Variants in TBX15 observed in about 807,000 individuals in gnomAD.
TBX15 encodes the protein T-box transcription factor 15.
In TBX15, 18 loss-of-function variants were observed where a neutral mutation model predicts 53.9. The observed-to-expected ratio is 0.33, with a 90% CI of 0.23 to 0.49. The LOEUF (loss-of-function observed/expected upper bound fraction) is 0.49. TBX15 is among the 20% of genes least tolerant of loss of function. The pLI is 0.98. For missense variants in TBX15, 692 were observed against 749.5 expected (o/e 0.92, Z 0.90); for synonymous variants, 295 against 278.0 (o/e 1.06, Z -0.61).
At chr1:118,955,290 C>T (rs1007736032) in intron 1 of TBX15, among the ~76,000 whole-genome samples, 5 of 152,136 alleles carry the variant, frequency 3.3e-5, no homozygotes, top group Admixed American at 3.3e-4. Context: ...TCTGGAACTG[C>T]TATAGTGATT....
Position 118,924,817 on chromosome 1 carries a change from T to C in TBX15, c.522A>G (p.Arg174=), listed in dbSNP as rs61730014. The C allele has an allele frequency of 3.5e-3, 5,683 of 1,613,738 alleles. 16 individuals are homozygous for C. The highest frequency in any genetic ancestry group is 3.8e-3 in the Non-Finnish European group (4,458 of 1,179,908). Residue 174 remains arginine (R), a splice_region_variant and synonymous_variant, in exon 4 of 8, where the codon AGA becomes AGG. Coordinates refer to ENST00000369429, the MANE Select transcript of TBX15 (RefSeq NM_001330677.2). ...DIVPVDNKRY[R]YVYHSSKWMV... is the part of the protein sequence containing the mutation. ...TCCACTTGGAGCTATGATACACATATCTGAGATAAAGAGGAAGAGAGGAAA... is the reference window on the plus strand; with the variant it reads ...TCCACTTGGAGCTATGATACACATACCTGAGATAAAGAGGAAGAGAGGAAA...
chr1:118,916,786 A>C (rs553762874), intron 5 of TBX15, among the ~76,000 whole-genome samples: 1 of 152,046 alleles, frequency 6.6e-6, no homozygotes, highest in Non-Finnish European at 1.5e-5. Context: ...GAATTGCTTG[A>C]ACCCAGGAAG....
chr1:118,884,428 C>A lies in TBX15; in HGVS notation c.*304G>T, dbSNP rs992472913. On this transcript the variant is annotated 3_prime_UTR_variant, in exon 8 of 8. Coordinates refer to ENST00000369429, the MANE Select transcript of TBX15 (RefSeq NM_001330677.2). ...TGCCACACACTAGCATCTCCCTTAA[C>A]ATTATGACGAAGTGATTATTCAGTC... 9 of 432,960 alleles carry A rather than the reference C, an allele frequency of 2.1e-5. No homozygotes were observed. Among genetic ancestry groups the A allele is most frequent in the Non-Finnish European group, 3.4e-5 (8 of 235,630 alleles). 26.8% of individuals were successfully genotyped at this position (432,960 alleles called of 1,614,324 possible).
intron 1 of TBX15, among the ~76,000 whole-genome samples, chr1:118,967,816 A>T (rs1302235192): frequency 2.6e-5 from 4 of 152,224 alleles, no homozygotes; most frequent in Admixed American, 6.5e-5. Flanking sequence ...TGTCAGTGTT[A>T]AAACCCTGAA....
chr1:118,935,019 A>G (rs1337784889), intron 1 of TBX15, among the ~76,000 whole-genome samples: 1 of 152,208 alleles, frequency 6.6e-6, no homozygotes, highest in Non-Finnish European at 1.5e-5. Flanking sequence ...ATAATCTTGA[A>G]ATAAAGTTAC....
intron 5 of TBX15, among the ~76,000 whole-genome samples, chr1:118,920,962 C>T (rs1254260888): frequency 1.3e-5 from 2 of 151,972 alleles, no homozygotes; most frequent in Non-Finnish European, 2.9e-5. Flanking sequence ...ATTGCTTGAG[C>T]CCAGGAGTTC....
intron 1 of TBX15, among the ~76,000 whole-genome samples, chr1:118,957,271 C>A (rs1656722893): frequency 6.6e-6 from 1 of 152,062 alleles, no homozygotes; most frequent in Non-Finnish European, 1.5e-5. Context: ...AGAGTCGGAC[C>A]AATCCAGTGA....
At chr1:118,949,710 A>G (rs1656455139) in intron 1 of TBX15, among the ~76,000 whole-genome samples, 2 of 152,256 alleles carry the variant, frequency 1.3e-5, no homozygotes, top group African/African-American at 4.8e-5. Context: ...TCTGAGGATA[A>G]GAGAAAGAGC....
At chr1:118,986,699 C>G (rs1292295536) in intron 1 of TBX15, among the ~76,000 whole-genome samples, 1 of 152,216 alleles carries the variant, frequency 6.6e-6, no homozygotes. Context: ...CACCTTCCAG[C>G]ATGGTTTTAG....
rs922055079 is a variant in TBX15, at chr1:118,962,912, T to A, written c.205+24679A>T. On this transcript the variant is annotated intron_variant, in intron 1 of 7. Transcript: ENST00000369429. ...AGATCTCAAAAGCAGAAATAGTTTA[T>A]GACAACCCCTCAGTTCCATTAAAAC... Among the ~76,000 whole-genome samples, 16 of 152,310 alleles carry A rather than the reference T, an allele frequency of 1.1e-4. No homozygotes were observed. In the East Asian group the frequency reaches 1.9e-3, roughly 18 times the overall value.
chr1:118,918,263 G>T (rs115091789), intron 5 of TBX15, among the ~76,000 whole-genome samples: 1 of 151,826 alleles, frequency 6.6e-6, no homozygotes, highest in Non-Finnish European at 1.5e-5. Flanking sequence ...AACTCCCCCC[G>T]GACCACAGGT....
At chr1:118,928,729 G>A (rs1655683638) in intron 2 of TBX15, among the ~76,000 whole-genome samples, 1 of 152,108 alleles carries the variant, frequency 6.6e-6, no homozygotes, top group South Asian at 2.1e-4. Flanking sequence ...TACAAAAAAA[G>A]GTGTTAGATG....
At chr1:118,973,481 C>T (rs532520485) in intron 1 of TBX15, among the ~76,000 whole-genome samples, 1 of 151,576 alleles carries the variant, frequency 6.6e-6, no homozygotes, top group Non-Finnish European at 1.5e-5. Flanking sequence ...TCAGAAAAGG[C>T]GCTGAATAAA....
In TBX15 at chr1:118,914,097, T is replaced by C; in HGVS notation, c.926+18A>G. The C allele has an allele frequency of 4.3e-6, 7 of 1,613,516 alleles. No individual in the cohort carries two copies. Among genetic ancestry groups the C allele is most frequent in the Non-Finnish European group, 5.9e-6 (7 of 1,179,582 alleles). The stretch of plus-strand genomic sequence containing the variant: ...ATGTCACATAGAAAAGAAGTGCCTC[T>C]TCCCCAGTGATTCTTACCTGTTTCT... On this transcript the variant is annotated intron_variant, in intron 6 of 7. Transcript: ENST00000369429.
intron 1 of TBX15, among the ~76,000 whole-genome samples, chr1:118,960,540 A>T (rs1656835629): frequency 1.3e-5 from 2 of 152,334 alleles, no homozygotes; most frequent in East Asian, 1.9e-4. Context: ...AGTCCTAAAA[A>T]GTACCAAAGT....
intron 1 of TBX15, among the ~76,000 whole-genome samples, chr1:118,935,080 C>T (rs1023301678): frequency 3.3e-5 from 5 of 152,082 alleles, no homozygotes; most frequent in African/African-American, 1.2e-4. Context: ...GGGTTAGGGC[C>T]ACCCGTGGGG....
At chr1:118,898,678 A>G (rs1335840736) in intron 7 of TBX15, among the ~76,000 whole-genome samples, 1 of 152,206 alleles carries the variant, frequency 6.6e-6, no homozygotes, top group Non-Finnish European at 1.5e-5. Context: ...AAAACTGAGA[A>G]GGCTACCATG....
intron 2 of TBX15, among the ~76,000 whole-genome samples, chr1:118,929,121 A>T (rs1655698037): frequency 6.6e-6 from 1 of 152,184 alleles, no homozygotes; most frequent in East Asian, 1.9e-4. Context: ...TTTGTCTTCT[A>T]AACCCATTAA....
intron 5 of TBX15, among the ~76,000 whole-genome samples, chr1:118,917,840 C>A (rs906661735): frequency 6.6e-6 from 1 of 152,106 alleles, no homozygotes; most frequent in African/African-American, 2.4e-5. Context: ...AGAATTTAAT[C>A]CAAATTCCTT....
Sources: allele counts gnomAD v4.1 joint callset (sites outside exome capture counted in the v4.1 genomes callset), GRCh38; gene constraint gnomAD v4.1.1; transcripts MANE v1.5; gene names NCBI Gene and HGNC (gene_info 2026-07-23, HGNC 2026-07-21).